Variants in PPP3CA observed in about 807,000 individuals in gnomAD.
The protein encoded by PPP3CA is protein phosphatase 3 catalytic subunit alpha.
PPP3CA carries 14 observed loss-of-function variants against 66.5 expected under a neutral mutation model. The observed-to-expected ratio is 0.21, with a 90% CI of 0.14 to 0.33. PPP3CA has a LOEUF of 0.33. Among genes scored for constraint, PPP3CA ranks in the 10% least tolerant of loss-of-function variants. The pLI, the probability that PPP3CA is intolerant of heterozygous loss-of-function variation, is 1.00. For missense variants in PPP3CA, 317 were observed against 639.5 expected (o/e 0.50, Z 5.44); for synonymous variants, 232 against 226.2 (o/e 1.03, Z -0.23).
At chr4:101,266,037 A>T (rs1016097784) in intron 1 of PPP3CA, among the ~76,000 whole-genome samples, 2 of 152,204 alleles carry the variant, frequency 1.3e-5, no homozygotes, top group African/African-American at 4.8e-5. Flanking sequence ...ACCTTTACAT[A>T]CACAAAGAGG....
intron 2 of PPP3CA, among the ~76,000 whole-genome samples, chr4:101,193,204 T>G (rs997128631): frequency 6.6e-6 from 1 of 152,336 alleles, no homozygotes; most frequent in African/African-American, 2.4e-5. Flanking sequence ...CACATGTATG[T>G]GATATATACC....
intron 8 of PPP3CA, among the ~76,000 whole-genome samples, chr4:101,080,173 A>G (rs1331821671): frequency 6.6e-6 from 1 of 152,162 alleles, no homozygotes; most frequent in Non-Finnish European, 1.5e-5. Flanking sequence ...GATCCTTTCC[A>G]TGGACAATCA....
intron 1 of PPP3CA, among the ~76,000 whole-genome samples, chr4:101,204,517 TC>T (rs1433630757): frequency 2.6e-5 from 4 of 151,544 alleles, no homozygotes; most frequent in African/African-American, 9.7e-5. Context: ...GCGCCTGTAG[TC>T]CCAGCTACTC....
chr4:101,296,434 T>G (rs1728201788), intron 1 of PPP3CA, among the ~76,000 whole-genome samples: 1 of 152,124 alleles, frequency 6.6e-6, no homozygotes, highest in African/African-American at 2.4e-5. Context: ...TACTGCTCCT[T>G]AACAGATGCA....
At position 101,346,778 on chromosome 4, in the gene PPP3CA, T is replaced by C. The variant is rs1730017647; in HGVS notation, c.19A>G (p.Ile7Val). Residue 7 changes from isoleucine (I) to valine (V), a missense_variant, in exon 1 of 14, where the codon ATT becomes GTT. Ile to Val is a conservative substitution (Grantham distance 29). Coordinates refer to ENST00000394854, the MANE Select transcript of PPP3CA (RefSeq NM_000944.5). The part of the protein sequence containing the change: MSEPKA[I>V]DPKLSTTDRV... Reference sequence around the variant, plus strand: ...TCGGTCGTCGACAACTTGGGATCAATTGCCTTGGGCTCGGACATCTCCAGC... The same window carrying C: ...TCGGTCGTCGACAACTTGGGATCAACTGCCTTGGGCTCGGACATCTCCAGC... 1 of 1,611,492 alleles carries C rather than the reference T, an allele frequency of 6.2e-7. No homozygotes were observed. Among genetic ancestry groups the C allele is most frequent in the South Asian group, 1.1e-5 (1 of 90,660 alleles).
intron 1 of PPP3CA, among the ~76,000 whole-genome samples, chr4:101,284,867 GA>G (rs1358688164): frequency 6.6e-6 from 1 of 152,050 alleles, no homozygotes; most frequent in Non-Finnish European, 1.5e-5. Flanking sequence ...GTACAGATTG[GA>G]ATCTGGATAG....
Position 101,023,917 on chromosome 4 carries a change from T to C in PPP3CA, c.*1948A>G, listed in dbSNP as rs1388952504. ...GCTGAAGCGTGGGTATACAAATTTC[T>C]TGTTAATACAAATGCAACTCTTTTC... On this transcript the variant is annotated 3_prime_UTR_variant, in exon 14 of 14. Transcript: ENST00000394854. 1.3e-5 allele frequency: 2 copies of C among 152,676 alleles called. No homozygotes were observed. The highest frequency in any genetic ancestry group is 4.8e-5 in the African/African-American group (2 of 41,472). 9.5% of individuals were successfully genotyped at this position (152,676 alleles called of 1,614,324 possible).
At chr4:101,040,417 TTAAAG>T (rs1727461833) in intron 11 of PPP3CA, 60 bp downstream of exon 11, 1 of 1,138,146 alleles carries the variant, frequency 8.8e-7, no homozygotes, top group East Asian at 2.7e-5. Context: ...GATGAAAGTA[TTAAAG>T]TATTTATTAG....
chr4:101,148,342 T>A (rs1723031712), intron 2 of PPP3CA, among the ~76,000 whole-genome samples: 1 of 152,142 alleles, frequency 6.6e-6, no homozygotes, highest in African/African-American at 2.4e-5. Context: ...TTTTCTAGTT[T>A]CTCAATATCA....
At chr4:101,201,484 T>C (rs1724965481) in intron 1 of PPP3CA, among the ~76,000 whole-genome samples, 1 of 152,242 alleles carries the variant, frequency 6.6e-6, no homozygotes, top group Non-Finnish European at 1.5e-5. Flanking sequence ...GAATTTCAGA[T>C]TGAGATCCAC....
intron 6 of PPP3CA, among the ~76,000 whole-genome samples, chr4:101,086,228 T>C (rs1172550508): frequency 6.6e-6 from 1 of 152,094 alleles, no homozygotes; most frequent in Non-Finnish European, 1.5e-5. Context: ...TATCTATCTT[T>C]TGTTATATAT....
At chr4:101,124,535 G>C (rs1722133396) in intron 2 of PPP3CA, among the ~76,000 whole-genome samples, 1 of 151,864 alleles carries the variant, frequency 6.6e-6, no homozygotes, top group African/African-American at 2.4e-5. Flanking sequence ...CTTGAGCCCA[G>C]GAGGCAGAGG....
intron 1 of PPP3CA, among the ~76,000 whole-genome samples, chr4:101,314,588 A>T (rs1728829922): frequency 6.6e-6 from 1 of 151,320 alleles, no homozygotes; most frequent in Admixed American, 6.6e-5. Context: ...AAAAAAAAAA[A>T]AAAAGATTTA....
intron 2 of PPP3CA, among the ~76,000 whole-genome samples, chr4:101,172,111 T>A (rs1723902321): frequency 6.6e-6 from 1 of 152,142 alleles, no homozygotes; most frequent in African/African-American, 2.4e-5. Context: ...AATGCCATCA[T>A]ATCCAGAGTA....
chr4:101,180,896 G>A (rs942860819), intron 2 of PPP3CA, among the ~76,000 whole-genome samples: 11 of 151,914 alleles, frequency 7.2e-5, no homozygotes, highest in African/African-American at 2.4e-4. Flanking sequence ...GCATGGTGGT[G>A]TGCACCTCAT....
intron 2 of PPP3CA, among the ~76,000 whole-genome samples, chr4:101,114,256 A>T (rs1721771064): frequency 6.6e-6 from 1 of 152,120 alleles, no homozygotes; most frequent in Non-Finnish European, 1.5e-5. Context: ...TATGTCAGAA[A>T]TTTAGAGAGT....
At chr4:101,032,738 C>T (rs1473055594) in intron 11 of PPP3CA, among the ~76,000 whole-genome samples, 1 of 151,730 alleles carries the variant, frequency 6.6e-6, no homozygotes, top group East Asian at 1.9e-4. Flanking sequence ...AGTTTTTCAG[C>T]CAAGGCTCAG....
chr4:101,219,231 G>T lies in PPP3CA; in HGVS notation c.59-23115C>A, dbSNP rs777898063. Among the ~76,000 whole-genome samples, 120 of 152,070 alleles carry T rather than the reference G, an allele frequency of 7.9e-4. 2 individuals are homozygous for T. Among genetic ancestry groups the T allele is most frequent in the Admixed American group, 7.9e-4 (12 of 15,232 alleles). On this transcript the variant is annotated intron_variant, in intron 1 of 13. Coordinates refer to ENST00000394854, the MANE Select transcript of PPP3CA (RefSeq NM_000944.5). Reference sequence around the variant, plus strand: ...TGGAAAGTATACTATGTATAATCCAGATTATTCTTCTACTTAATAGTTAAC... The same window carrying T: ...TGGAAAGTATACTATGTATAATCCATATTATTCTTCTACTTAATAGTTAAC...
intron 10 of PPP3CA, among the ~76,000 whole-genome samples, chr4:101,051,842 T>C (rs897954306): frequency 1.3e-5 from 2 of 152,144 alleles, no homozygotes; most frequent in South Asian, 2.1e-4. Context: ...TAAAAACTAA[T>C]GCTATAAAAA....
Sources: gnomAD v4.1 joint callset for allele counts (sites outside exome capture counted in the v4.1 genomes callset) on GRCh38, gnomAD v4.1.1 for gene constraint, MANE v1.5 for transcripts, NCBI Gene and HGNC (gene_info 2026-07-23, HGNC 2026-07-21) for gene names.